Variants in TUBGCP2 observed in about 807,000 individuals in gnomAD.
TUBGCP2 encodes tubulin gamma complex component 2, also known as gamma-tubulin complex component 2.
Under a neutral mutation model 92.2 loss-of-function variants are expected in TUBGCP2, and 55 were observed. The ratio of observed to expected loss-of-function variants is 0.60; its 90% CI spans 0.48 to 0.75. The LOEUF (loss-of-function observed/expected upper bound fraction) is 0.75. Ranked by LOEUF, TUBGCP2 falls within the 30% of genes least tolerant of loss-of-function variation. TUBGCP2 has a pLI of 0.00. For synonymous variants in TUBGCP2, 533 were observed against 505.2 expected (o/e 1.06, Z -0.74); for missense variants, 1,093 against 1,188.9 (o/e 0.92, Z 1.19).
chr10:133,281,401 C>A lies in TUBGCP2; in HGVS notation c.2445G>T (p.Val815=), dbSNP rs765463109. 3.7e-6 allele frequency: 6 copies of A among 1,613,456 alleles called. No individual in the cohort carries two copies. The South Asian group carries it at 5.5e-5, about 15-fold the overall frequency. The stretch of plus-strand genomic sequence containing the variant: ...TGTTGATGGTGGCCTCGAAGCCGGA[C>A]ACCAGCTGCACAGTGTCTGCGTGCT... ...LAEHADTVQL[V]SGFEATINKF... The change falls in exon 17 of 18, where the codon GTG becomes GTT. Residue 815 remains valine (V), a synonymous_variant. Coordinates refer to ENST00000252936, the MANE Select transcript of TUBGCP2 (RefSeq NM_006659.4).
Position 133,293,601 on chromosome 10 carries a change from C to T in TUBGCP2, c.785G>A (p.Arg262Lys). Residue 262 changes from arginine (R) to lysine (K), a missense_variant, in exon 6 of 18, where the codon AGG (arginine) becomes AAG (lysine). Arg to Lys is a conservative substitution (Grantham distance 26). Transcript: ENST00000252936. ...LDLSIRELVH[R>K]ILPVAASYSA... Reference sequence around the variant, plus strand: ...GTAGCTGGCGGCCACTGGGAGGATCCTGTGCACCAGCTCCCTGATGGACAG... The same window carrying T: ...GTAGCTGGCGGCCACTGGGAGGATCTTGTGCACCAGCTCCCTGATGGACAG... 6.4e-7 allele frequency: 1 copy of T among 1,559,604 alleles called. No individual in the cohort carries two copies. The highest frequency in any genetic ancestry group is 1.2e-5 in the South Asian group (1 of 84,668).
In TUBGCP2 at chr10:133,283,980, G is replaced by T; in HGVS notation, c.2047C>A (p.Arg683=). ...AQWFAGAFTL[R]QRMLNFVQNI... ...TGGACGAAGTTGAGCATTCGCTGCC[G>T]CAGAGTGAAAGCCCCAGCAAACCTG... Residue 683 remains arginine, a synonymous_variant, in exon 14 of 18, where the codon CGG becomes AGG. Coordinates refer to ENST00000252936, the MANE Select transcript of TUBGCP2 (RefSeq NM_006659.4). The T allele has an allele frequency of 6.2e-7, 1 of 1,613,872 alleles. No homozygotes were observed. The highest frequency in any genetic ancestry group is 1.7e-4 in the Middle Eastern group (1 of 5,930).
At position 133,285,906 on chromosome 10, in the gene TUBGCP2, G is replaced by C. The variant is rs1435213769; in HGVS notation, c.1723-278C>G. Among the ~76,000 whole-genome samples, 1 of 152,122 alleles carries C rather than the reference G, an allele frequency of 6.6e-6. No individual in the cohort carries two copies. The highest frequency in any genetic ancestry group is 2.4e-5 in the African/African-American group (1 of 41,420). On this transcript the variant is annotated intron_variant, in intron 11 of 17. Transcript: ENST00000252936. The surrounding 1 kb of genome is among the most constrained non-coding windows in gnomAD (Gnocchi z 6.8). The stretch of plus-strand genomic sequence containing the variant: ...GTGGTATAAGGGAAAAACCGCTAAG[G>C]ACGGTGAAAGAAACGTGATTCCTTA...
intron 1 of TUBGCP2, among the ~76,000 whole-genome samples, chr10:133,308,055 G>A (rs145706571): frequency 6.3e-4 from 96 of 152,220 alleles, no homozygotes; most frequent in African/African-American, 2.2e-3. Context: ...AGGCCGCAGC[G>A]ATCTATCAGC....
chr10:133,279,878 G>A lies in TUBGCP2; in HGVS notation c.2597C>T (p.Thr866Met), dbSNP rs760401219. The change falls in exon 18 of 18, where the codon ACG becomes ATG. Residue 866 changes from threonine (T) to methionine (M), a missense_variant. Physicochemically the swap from Thr to Met is moderately conservative, Grantham distance 81. Around this residue, in one of 3 missense-constraint regions of TUBGCP2, gnomAD observed 598 missense variants for 675.5 expected, o/e 0.89. Transcript: ENST00000252936. The stretch of plus-strand genomic sequence containing the variant: ...TGCAGACAGGCGCTCCAGGCGCTCC[G>A]TGTAGAAACCATTGAAGTCAAGCCT... The part of the protein sequence containing the change: ...ISRLDFNGFY[T>M]ERLERLSAER... 2.2e-5 allele frequency: 36 copies of A among 1,609,336 alleles called. No individual in the cohort carries two copies. The highest frequency in any genetic ancestry group is 2.0e-4 in the African/African-American group (15 of 74,792).
intron 5 of TUBGCP2, 76 bp downstream of exon 5, chr10:133,297,876 A>G (rs562515786): frequency 6.3e-7 from 1 of 1,578,926 alleles, no homozygotes; most frequent in Non-Finnish European, 8.6e-7. Flanking sequence ...AACACATGAC[A>G]TACCTATCGG....
intron 3 of TUBGCP2, 105 bp downstream of exon 3, chr10:133,299,880 C>T (rs987252439): frequency 8.2e-6 from 12 of 1,470,494 alleles, no homozygotes; most frequent in African/African-American, 7.1e-5. Context: ...CTGGTGTGAG[C>T]GAGGAAGAGC....
rs1384572716 is a variant in TUBGCP2, at chr10:133,285,354, C to G, written c.1895+102G>C. 4 of 1,592,296 alleles carry G rather than the reference C, an allele frequency of 2.5e-6. No individual in the cohort carries two copies. Among genetic ancestry groups the G allele is most frequent in the Admixed American group, 3.6e-5 (2 of 55,722 alleles). ...GACACTGAAGGCCGGGGAGAGCCGC[C>G]TTGGGTCCTCTGTGGGACGAGGTGG... On this transcript the variant is annotated intron_variant, in intron 12 of 17. Transcript: ENST00000252936. This position sits in a 1 kb window ranked among gnomAD's most constrained non-coding sequence, Gnocchi z 6.8.
At chr10:133,302,493 G>GCACCAGAGGTGGCGCTC in intron 2 of TUBGCP2, 1 of 387,152 alleles carries the variant, frequency 2.6e-6, no homozygotes, top group African/African-American at 2.3e-5. Context: ...CCTGCACCCT[G>GCACCAGAGGTGGCGCTC]ACCCAGGGGC....
At chr10:133,282,131 G>C in intron 16 of TUBGCP2, 92 bp downstream of exon 16, 2 of 1,577,378 alleles carry the variant, frequency 1.3e-6, no homozygotes, top group Non-Finnish European at 1.7e-6. Context: ...AAGTAAAAGG[G>C]GGGAGGTTTG....
chr10:133,287,199 C>T (rs1274228646), intron 11 of TUBGCP2, among the ~76,000 whole-genome samples: 10 of 152,108 alleles, frequency 6.6e-5, no homozygotes, highest in Non-Finnish European at 1.0e-4. Flanking sequence ...GACAGACAGC[C>T]GACCAAGAGG....
chr10:133,284,120 C>T (rs1278094057), intron 13 of TUBGCP2, 118 bp from the exon 14 acceptor site: 23 of 1,475,048 alleles, frequency 1.6e-5, no homozygotes, highest in Non-Finnish European at 2.1e-5. Context: ...TGGCTATTTC[C>T]TCTGCAGAGC....
rs1846968791 is a variant in TUBGCP2 at position 133,281,294 on chromosome 10, C to T, written c.2552G>A (p.Gly851Asp). 6.2e-7 allele frequency: 1 copy of T among 1,612,088 alleles called. No homozygotes were observed. The highest frequency in any genetic ancestry group is 1.9e-4 in the Middle Eastern group (1 of 5,132). ...SIYSTSDCEHGMASVISRLDF... is the reference protein window; with the variant it reads ...SIYSTSDCEHDMASVISRLDF... ...CCACCTGGAGATGACGCTGGCCATGCCGTGCTCACAGTCACTGGTGCTATA... is the reference window on the plus strand; with the variant it reads ...CCACCTGGAGATGACGCTGGCCATGTCGTGCTCACAGTCACTGGTGCTATA... The change falls in exon 17 of 18, where the codon GGC becomes GAC. Residue 851 changes from glycine (G) to aspartate (D), a missense_variant. Around this residue, in one of 3 missense-constraint regions of TUBGCP2, gnomAD observed 598 missense variants for 675.5 expected, o/e 0.89. Transcript: ENST00000252936.
intron 3 of TUBGCP2, 62 bp downstream of exon 3, chr10:133,299,923 C>T (rs1255085989): frequency 1.6e-5 from 25 of 1,591,510 alleles, no homozygotes; most frequent in East Asian, 2.2e-5. Flanking sequence ...GAGCAGGAGA[C>T]GCGACCCCAC....
intron 13 of TUBGCP2, 91 bp from the exon 14 acceptor site, chr10:133,284,093 A>G: frequency 6.5e-7 from 1 of 1,549,658 alleles, no homozygotes; most frequent in Non-Finnish European, 8.7e-7. Context: ...ACAGCCATGG[A>G]GGACGTTCTC....
upstream of TUBGCP2, chr10:133,310,423 T>C (rs1010490616): frequency 1.8e-6 from 2 of 1,141,848 alleles, no homozygotes; most frequent in Non-Finnish European, 2.5e-6. Context: ...TGCAGGTACC[T>C]GAAGCCCTGG....
chr10:133,304,097 C>T (rs1377884982), intron 1 of TUBGCP2, among the ~76,000 whole-genome samples: 1 of 152,198 alleles, frequency 6.6e-6, no homozygotes, highest in East Asian at 1.9e-4. Context: ...TTTTGGGAGG[C>T]TGAGTCAGGT....
Position 133,300,084 on chromosome 10 carries a change from T to C in TUBGCP2, c.180A>G (p.Pro60=), listed in dbSNP as rs2136135235. The C allele has an allele frequency of 6.2e-7, 1 of 1,614,074 alleles. No homozygotes were observed. The highest frequency in any genetic ancestry group is 8.5e-7 in the Non-Finnish European group (1 of 1,179,976). The change falls in exon 3 of 18, where the codon CCA becomes CCG. Residue 60 remains proline, a synonymous_variant. Transcript: ENST00000252936. ...CATCATATTTCTTTAGAAAGTCTTC[T>C]GGAGTACGAGAAAACTCTGCAATTT... ...KVKIAEFSRT[P]EDFLKKYDEL... is the part of the protein sequence containing the mutation.
rs368572024 is a variant in TUBGCP2 at position 133,293,547 on chromosome 10, G to A, written c.824+15C>T. The A allele has an allele frequency of 3.4e-5, 53 of 1,549,694 alleles. No homozygotes were observed. The highest frequency in any genetic ancestry group is 3.1e-4 in the Admixed American group (16 of 51,004). On this transcript the variant is annotated intron_variant, in intron 6 of 17. Coordinates refer to ENST00000252936, the MANE Select transcript of TUBGCP2 (RefSeq NM_006659.4). Reference sequence around the variant, plus strand: ...ACAACAGCGCAGGCTCCCAGGGACCGCGCCCGGTGCCCACCTGGTCACAGC... The same window carrying A: ...ACAACAGCGCAGGCTCCCAGGGACCACGCCCGGTGCCCACCTGGTCACAGC...
Sources: gnomAD v4.1 joint callset for allele counts (sites outside exome capture counted in the v4.1 genomes callset) on GRCh38, gnomAD v4.1.1 for gene constraint, gnomAD v4.1.1 regional missense constraint, Gnocchi (gnomAD v3.1) non-coding constraint, MANE v1.5 for transcripts, NCBI Gene and HGNC (gene_info 2026-07-23, HGNC 2026-07-21) for gene names.